The following IMPG1 variants were observed in gnomAD, a reference collection of about 807,000 sequenced individuals.
IMPG1 encodes the protein interphotoreceptor matrix proteoglycan of 150 kDa.
A neutral mutation model predicts 92.0 loss-of-function variants in IMPG1; 85 were observed. That is an observed-to-expected ratio of 0.92 (90% CI 0.78 to 1.11). The LOEUF is 1.11. Among genes scored for constraint, IMPG1 ranks in the 50% least tolerant of loss-of-function variants. The probability of loss-of-function intolerance (pLI) is 0.00; values close to 1 mark genes in which losing one functional copy is unlikely to be tolerated. For missense variants in IMPG1, 1,022 were observed against 956.0 expected (o/e 1.07, Z -0.91); for synonymous variants, 367 against 334.1 (o/e 1.10, Z -1.08).
chr6:75,933,661 C>G (rs752739175), intron 14 of IMPG1, among the ~76,000 whole-genome samples: 2 of 152,208 alleles, frequency 1.3e-5, no homozygotes, highest in African/African-American at 2.4e-5. Context: ...ACTAGCATCC[C>G]AGTAGATTCT....
At chr6:75,976,755 A>G (rs544168686) in intron 12 of IMPG1, among the ~76,000 whole-genome samples, 2 of 152,086 alleles carry the variant, frequency 1.3e-5, no homozygotes, top group Middle Eastern at 6.8e-3. Flanking sequence ...ACTAAAAAAT[A>G]CAAAGAACTA....
At chr6:76,055,335 C>T (rs544090943) in intron 1 of IMPG1, among the ~76,000 whole-genome samples, 17 of 151,866 alleles carry the variant, frequency 1.1e-4, no homozygotes, top group South Asian at 1.0e-3. Context: ...AAATAATTAT[C>T]GTTATTAGAG....
At chr6:76,069,434 G>C (rs1784370896) in intron 1 of IMPG1, among the ~76,000 whole-genome samples, 1 of 152,090 alleles carries the variant, frequency 6.6e-6, no homozygotes, top group Non-Finnish European at 1.5e-5. Flanking sequence ...GGAGTAAATA[G>C]ATATCACACA....
intron 4 of IMPG1, among the ~76,000 whole-genome samples, chr6:76,027,437 C>A (rs1783561500): frequency 6.6e-6 from 1 of 152,130 alleles, no homozygotes; most frequent in South Asian, 2.1e-4. Context: ...TAACATTATA[C>A]CATGTAATTG....
chr6:75,962,473 T>C (rs2149462229), intron 12 of IMPG1, among the ~76,000 whole-genome samples: 1 of 152,226 alleles, frequency 6.6e-6, no homozygotes, highest in Non-Finnish European at 1.5e-5. Context: ...AAAAGGTGTG[T>C]ACCAAATTTC....
At chr6:75,967,178 A>G (rs76943011) in intron 12 of IMPG1, among the ~76,000 whole-genome samples, 1 of 144,230 alleles carries the variant, frequency 6.9e-6, no homozygotes. Context: ...GACTTCTTAT[A>G]AAAAAAAAAT....
chr6:75,974,343 CTT>C (rs1230594770), intron 12 of IMPG1, among the ~76,000 whole-genome samples: 2 of 86,166 alleles, frequency 2.3e-5, no homozygotes, highest in African/African-American at 5.0e-5. Context: ...TTCTTTCTTT[CTT>C]TCTTTCTTTC....
intron 12 of IMPG1, among the ~76,000 whole-genome samples, chr6:75,992,211 A>T (rs1782823765): frequency 1.3e-5 from 2 of 152,228 alleles, no homozygotes; most frequent in Admixed American, 1.3e-4. Flanking sequence ...CTGGTTTTCC[A>T]GCCTGCCACC....
intron 1 of IMPG1, among the ~76,000 whole-genome samples, chr6:76,043,086 G>C (rs1288270264): frequency 6.6e-6 from 1 of 151,878 alleles, no homozygotes. Flanking sequence ...TTTTGATGTT[G>C]GGCTTGGGAG....
intron 1 of IMPG1, among the ~76,000 whole-genome samples, chr6:76,062,821 T>C (rs1326228510): frequency 2.6e-5 from 4 of 151,012 alleles, no homozygotes; most frequent in Non-Finnish European, 5.9e-5. Flanking sequence ...AAGATACTTA[T>C]GAAATAAAAA....
At chr6:75,989,410 A>G (rs931831011) in intron 12 of IMPG1, among the ~76,000 whole-genome samples, 2 of 152,262 alleles carry the variant, frequency 1.3e-5, no homozygotes, top group African/African-American at 2.4e-5. Flanking sequence ...AGATCATTCA[A>G]GAATGTCCCA....
chr6:76,042,283 A>G (rs1783858500), intron 1 of IMPG1, among the ~76,000 whole-genome samples, 157 bp from the exon 2 acceptor site: 2 of 152,186 alleles, frequency 1.3e-5, no homozygotes, highest in South Asian at 4.1e-4. Flanking sequence ...TCCAAATGAC[A>G]AGGCATTTTC....
intron 14 of IMPG1, among the ~76,000 whole-genome samples, chr6:75,939,011 T>G (rs1187671873): frequency 6.6e-6 from 1 of 152,086 alleles, no homozygotes; most frequent in African/African-American, 2.4e-5. Context: ...AACTTTTGCT[T>G]TGTGTGTGTA....
chr6:76,061,812 A>G (rs1007912162), intron 1 of IMPG1, among the ~76,000 whole-genome samples: 5 of 152,200 alleles, frequency 3.3e-5, no homozygotes, highest in Non-Finnish European at 7.4e-5. Flanking sequence ...TATCAGATGC[A>G]ACTGGTATTT....
Position 76,005,024 on chromosome 6 carries a change from C to T in IMPG1, c.1135+263G>A, listed in dbSNP as rs193270462. On this transcript the variant is annotated intron_variant, in intron 10 of 16. Coordinates refer to ENST00000369950, the MANE Select transcript of IMPG1 (RefSeq NM_001563.4). ...GTCTGTGGGTTCTTTTCTCTGCCTT[C>T]GTTCTCCGCAGTTGACTTGGACTGA... Among the ~76,000 whole-genome samples, 331 of 152,314 alleles carry T rather than the reference C, an allele frequency of 2.2e-3. 7 individuals are homozygous for T. The highest frequency in any genetic ancestry group is 7.4e-3 in the African/African-American group (306 of 41,574).
At chr6:75,944,410 T>C (rs993535934) in intron 14 of IMPG1, among the ~76,000 whole-genome samples, 1 of 152,226 alleles carries the variant, frequency 6.6e-6, no homozygotes, top group Non-Finnish European at 1.5e-5. Context: ...ATACAGTTCA[T>C]TGATTATTTT....
Position 76,025,262 on chromosome 6 carries a change from T to A in IMPG1, c.498-4A>T. On this transcript the variant is annotated splice_region_variant and splice_polypyrimidine_tract_variant and intron_variant, in intron 4 of 16. Coordinates refer to ENST00000369950, the MANE Select transcript of IMPG1 (RefSeq NM_001563.4). ...CTCTGCAGATATTTCATCTTTTCTATTAGTACAATAGAAAAGAAGGAAGAG... is the reference window on the plus strand; with the variant it reads ...CTCTGCAGATATTTCATCTTTTCTAATAGTACAATAGAAAAGAAGGAAGAG... The A allele has an allele frequency of 6.5e-7, 1 of 1,549,752 alleles. No homozygotes were observed. The highest frequency in any genetic ancestry group is 1.1e-5 in the South Asian group (1 of 87,882).
In IMPG1 at chr6:76,013,338, C is replaced by T. The variant is rs11967468; in HGVS notation, c.808-2114G>A. ...TGGCCAATATCTTGTCCTTTACTGA[C>T]ACTAAACTGACCCCTGTTCCTTCCC... On this transcript the variant is annotated intron_variant, in intron 7 of 16. Transcript: ENST00000369950. Among the ~76,000 whole-genome samples, 1,135 of 152,206 alleles carry T rather than the reference C, an allele frequency of 7.5e-3. 15 individuals carry two copies. Among genetic ancestry groups the T allele is most frequent in the African/African-American group, 0.026 (1,068 of 41,510 alleles).
chr6:76,019,552 C>T (rs1230197396), intron 6 of IMPG1, among the ~76,000 whole-genome samples: 2 of 152,160 alleles, frequency 1.3e-5, no homozygotes, highest in Non-Finnish European at 2.9e-5. Flanking sequence ...CTCCTCATTT[C>T]TTGTCACAAA....
Sources: allele counts gnomAD v4.1 joint callset (sites outside exome capture counted in the v4.1 genomes callset), GRCh38; gene constraint gnomAD v4.1.1; transcripts MANE v1.5; gene names NCBI Gene and HGNC (gene_info 2026-07-23, HGNC 2026-07-21).